The following KCNH1 variants were observed in gnomAD, a reference collection of about 807,000 sequenced individuals.
The protein encoded by KCNH1 is potassium voltage-gated channel subfamily H member 1.
KCNH1 carries 27 observed loss-of-function variants against 69.2 expected under a neutral mutation model. That is an observed-to-expected ratio of 0.39 (90% CI 0.29 to 0.54). KCNH1 has a LOEUF of 0.54. Ranked by LOEUF, KCNH1 falls within the 20% of genes least tolerant of loss-of-function variation. The probability of loss-of-function intolerance (pLI) is 0.68; values close to 1 mark genes in which losing one functional copy is unlikely to be tolerated. For synonymous variants in KCNH1, 456 were observed against 487.7 expected, an observed-to-expected ratio of 0.93 and a Z score of 0.86; for missense variants, 798 against 1,261.6, an observed-to-expected ratio of 0.63 and a Z score of 5.57.
At chr1:210,861,989 T>A (rs1179428438) in intron 7 of KCNH1, 3 of 760,706 alleles carry the variant, frequency 3.9e-6, no homozygotes, top group Admixed American at 3.5e-5. Context: ...GGAGGATGGA[T>A]AATGGCTTCT....
At chr1:211,125,021 A>G (rs372533866) in intron 1 of KCNH1, among the ~76,000 whole-genome samples, 51 of 152,238 alleles carry the variant, frequency 3.4e-4, no homozygotes, top group African/African-American at 1.1e-3. Flanking sequence ...GCAGTACCCC[A>G]GGGTTAGTAA....
chr1:210,870,635 T>C (rs994977839), intron 7 of KCNH1, among the ~76,000 whole-genome samples: 7 of 152,158 alleles, frequency 4.6e-5, no homozygotes, highest in African/African-American at 1.7e-4. Flanking sequence ...TTAGTAGACA[T>C]GATAAGTCAT....
intron 10 of KCNH1, among the ~76,000 whole-genome samples, chr1:210,708,082 C>T (rs981424998): frequency 5.9e-5 from 9 of 152,160 alleles, no homozygotes; most frequent in African/African-American, 2.2e-4. Flanking sequence ...GTGTTTGCAA[C>T]AGCCCTTCAC....
intron 6 of KCNH1, among the ~76,000 whole-genome samples, chr1:210,947,124 T>C (rs1247158297): frequency 2.0e-5 from 3 of 151,628 alleles, no homozygotes; most frequent in Non-Finnish European, 4.4e-5. Context: ...ATACAAATAA[T>C]TGCTGAATGA....
intron 6 of KCNH1, among the ~76,000 whole-genome samples, chr1:210,974,526 G>T (rs1304931473): frequency 6.8e-6 from 1 of 147,700 alleles, no homozygotes; most frequent in East Asian, 2.0e-4. Flanking sequence ...AGTACTACTA[G>T]TCTCAAAGAT....
At chr1:211,078,023 G>A (rs2102463290) in intron 5 of KCNH1, among the ~76,000 whole-genome samples, 1 of 151,618 alleles carries the variant, frequency 6.6e-6, no homozygotes, top group East Asian at 1.9e-4. Context: ...AGACAAAGAA[G>A]GCCATTACAT....
Position 210,877,247 on chromosome 1 carries a change from A to T in KCNH1, c.1462+42393T>A, listed in dbSNP as rs12729811. Among the ~76,000 whole-genome samples the T allele has an allele frequency of 3.0e-3, 458 of 152,244 alleles. 2 individuals carry two copies. Among genetic ancestry groups the T allele is most frequent in the Non-Finnish European group, 5.9e-3 (398 of 68,010 alleles). On this transcript the variant is annotated intron_variant, in intron 7 of 10. Transcript: ENST00000271751. ...TATGAGCAAGAAGAGAGAGAGAGGAATAGAGCAGGGACGTAAGTGGAAGGT... is the reference window on the plus strand; with the variant it reads ...TATGAGCAAGAAGAGAGAGAGAGGATTAGAGCAGGGACGTAAGTGGAAGGT...
At chr1:210,972,102 C>T (rs1688521909) in intron 6 of KCNH1, among the ~76,000 whole-genome samples, 1 of 152,154 alleles carries the variant, frequency 6.6e-6, no homozygotes, top group Admixed American at 6.6e-5. Context: ...ATGCTTCCTA[C>T]ACAACTTTAA....
At chr1:211,093,916 TAGG>T (rs1449499959) in intron 3 of KCNH1, among the ~76,000 whole-genome samples, 1 of 152,142 alleles carries the variant, frequency 6.6e-6, no homozygotes, top group East Asian at 1.9e-4. Context: ...GGATGGCTGG[TAGG>T]AGGAGAAGCC....
chr1:210,913,529 G>A (rs1219850196), intron 7 of KCNH1, among the ~76,000 whole-genome samples: 1 of 152,168 alleles, frequency 6.6e-6, no homozygotes, highest in Non-Finnish European at 1.5e-5. Context: ...GGCCAAGTGA[G>A]ATTGTCAGGA....
At chr1:211,070,380 C>T (rs1279927259) in intron 5 of KCNH1, among the ~76,000 whole-genome samples, 3 of 149,804 alleles carry the variant, frequency 2.0e-5, no homozygotes, top group South Asian at 2.1e-4. Context: ...ATCGCACCAC[C>T]GCACTCCAGC....
chr1:210,903,559 C>T (rs79891721), intron 7 of KCNH1, among the ~76,000 whole-genome samples: 3,208 of 152,148 alleles, frequency 0.021, 119 homozygotes, highest in African/African-American at 0.073. Flanking sequence ...GGTAAAAAAT[C>T]GTCTATTTGC....
At chr1:210,870,332 T>C (rs1686212003) in intron 7 of KCNH1, among the ~76,000 whole-genome samples, 1 of 152,170 alleles carries the variant, frequency 6.6e-6, no homozygotes, top group Non-Finnish European at 1.5e-5. Context: ...CCACCACTAA[T>C]ACTGTCTCAG....
chr1:210,952,640 A>T (rs1398048540), intron 6 of KCNH1, among the ~76,000 whole-genome samples: 1 of 151,690 alleles, frequency 6.6e-6, no homozygotes, highest in Non-Finnish European at 1.5e-5. Flanking sequence ...CCAAAAGTCC[A>T]CTCTAACTTT....
At chr1:210,921,682 TTAA>T (rs1227408926) in intron 6 of KCNH1, among the ~76,000 whole-genome samples, 1 of 152,144 alleles carries the variant, frequency 6.6e-6, no homozygotes, top group East Asian at 1.9e-4. Flanking sequence ...GCCACGGCAG[TTAA>T]TAATAAGTGT....
rs544622491 is a variant in KCNH1, at chr1:210,713,147, G to T, written c.2113-29009C>A. The stretch of plus-strand genomic sequence containing the variant: ...TTTCAAAAACAACAACATATTCAAA[G>T]AAAGATGCTCGCTTAGATGCATAAA... On this transcript the variant is annotated intron_variant, in intron 10 of 10. Coordinates refer to ENST00000271751, the MANE Select transcript of KCNH1 (RefSeq NM_172362.3). 1.3e-4 allele frequency among the ~76,000 whole-genome samples: 19 copies of T among 147,084 alleles called. No homozygotes were observed. The East Asian group carries it at 3.9e-3, about 30-fold the overall frequency.
intron 5 of KCNH1, among the ~76,000 whole-genome samples, chr1:211,038,909 G>A (rs867129786): frequency 1.6e-4 from 25 of 152,214 alleles, no homozygotes; most frequent in Non-Finnish European, 2.4e-4. Context: ...CCATTTTCTG[G>A]GGATAAATTC....
intron 7 of KCNH1, among the ~76,000 whole-genome samples, chr1:210,868,181 A>G (rs558764712): frequency 6.6e-6 from 1 of 152,194 alleles, no homozygotes; most frequent in Non-Finnish European, 1.5e-5. Flanking sequence ...TGTAGTTTTC[A>G]ATTGCCTTTC....
rs1417025848 is a variant in KCNH1, at chr1:210,917,504, ACCC to A, written c.1462+2133_1462+2135del. ...AACAAAAAAACAAACAAACAAAAAA[ACCC>A]CCAACTACTTACCCTTATTATATGC... On this transcript the variant is annotated intron_variant, in intron 7 of 10. Coordinates refer to ENST00000271751, the MANE Select transcript of KCNH1 (RefSeq NM_172362.3). 4.6e-5 allele frequency among the ~76,000 whole-genome samples: 7 copies of A among 151,980 alleles called. No individual in the cohort carries two copies. The East Asian group carries it at 1.3e-3, about 29-fold the overall frequency.
Sources: gnomAD v4.1 joint callset for allele counts (sites outside exome capture counted in the v4.1 genomes callset) on GRCh38, gnomAD v4.1.1 for gene constraint, MANE v1.5 for transcripts, NCBI Gene and HGNC (gene_info 2026-07-23, HGNC 2026-07-21) for gene names.